Variants in KCNK2 observed in about 807,000 individuals in gnomAD.
The protein encoded by KCNK2 is potassium two pore domain channel subfamily K member 2.
In KCNK2, 21 loss-of-function variants were observed where a neutral mutation model predicts 40.5. The observed-to-expected ratio is 0.52, with a 90% CI of 0.37 to 0.75. KCNK2 has a LOEUF of 0.75. Ranked by LOEUF, KCNK2 falls within the 30% of genes least tolerant of loss-of-function variation. The probability of loss-of-function intolerance (pLI) is 0.00; values close to 1 mark genes in which losing one functional copy is unlikely to be tolerated. For synonymous variants in KCNK2, 191 were observed against 202.2 expected, an observed-to-expected ratio of 0.94 and a Z score of 0.47; for missense variants, 399 against 531.6, an observed-to-expected ratio of 0.75 and a Z score of 2.45.
At chr1:215,098,003 A>G (rs2102546992) in intron 2 of KCNK2, among the ~76,000 whole-genome samples, 1 of 152,084 alleles carries the variant, frequency 6.6e-6, no homozygotes, top group East Asian at 1.9e-4. Context: ...GGATGATACG[A>G]TCACATCTAG....
At chr1:215,070,170 GGA>G (rs1372406682) in intron 1 of KCNK2, among the ~76,000 whole-genome samples, 1 of 151,982 alleles carries the variant, frequency 6.6e-6, no homozygotes, top group African/African-American at 2.4e-5. Context: ...CAGCACTTTG[GGA>G]GGCCGAGGTG....
At chr1:215,124,434 CAT>C (rs899219928) in intron 2 of KCNK2, among the ~76,000 whole-genome samples, 197 bp from the exon 3 acceptor site, 37 of 152,098 alleles carry the variant, frequency 2.4e-4, no homozygotes, top group African/African-American at 8.9e-4. Context: ...CTTGATATCA[CAT>C]GTCAGTTTCT....
chr1:215,160,990 T>C (rs915659212), intron 3 of KCNK2, among the ~76,000 whole-genome samples: 7 of 152,158 alleles, frequency 4.6e-5, no homozygotes, highest in Non-Finnish European at 1.0e-4. Context: ...TCATTTTTCA[T>C]TGTGTCCGTC....
chr1:215,214,187 C>T (rs1416981496), intron 6 of KCNK2, among the ~76,000 whole-genome samples: 1 of 152,144 alleles, frequency 6.6e-6, no homozygotes, highest in Non-Finnish European at 1.5e-5. Flanking sequence ...TGTACAGACG[C>T]ATGGCTGGGG....
Position 215,103,247 on chromosome 1 carries a change from C to A in KCNK2, c.357+16569C>A, listed in dbSNP as rs141984725. 1.7e-3 allele frequency among the ~76,000 whole-genome samples: 252 copies of A among 151,872 alleles called. 1 individual carries two copies. Among genetic ancestry groups the A allele is most frequent in the African/African-American group, 6.0e-3 (248 of 41,428 alleles). On this transcript the variant is annotated intron_variant, in intron 2 of 6. Coordinates refer to ENST00000444842, the MANE Select transcript of KCNK2 (RefSeq NM_001017425.3). ...TATTGAATTTAATGTGTCTAAGATT[C>A]CTCAAGAACAAGATAAATTTTTATG...
At chr1:215,032,506 A>C (rs900628996) in intron 1 of KCNK2, among the ~76,000 whole-genome samples, 1 of 152,004 alleles carries the variant, frequency 6.6e-6, no homozygotes, top group African/African-American at 2.4e-5. Flanking sequence ...TGTAGATTTG[A>C]GTTTCTGATC....
At chr1:215,160,151 A>T (rs1205384194) in intron 3 of KCNK2, among the ~76,000 whole-genome samples, 1 of 152,214 alleles carries the variant, frequency 6.6e-6, no homozygotes, top group Non-Finnish European at 1.5e-5. Flanking sequence ...AAGTTAAATG[A>T]TAATACTGTA....
At chr1:215,071,410 A>ACCC (rs1465770730) in intron 1 of KCNK2, among the ~76,000 whole-genome samples, 2 of 152,050 alleles carry the variant, frequency 1.3e-5, no homozygotes, top group Non-Finnish European at 2.9e-5. Flanking sequence ...AAGCCTTAAA[A>ACCC]CCCTTCAGTT....
At chr1:215,210,509 G>T (rs1033373575) in intron 6 of KCNK2, among the ~76,000 whole-genome samples, 1 of 152,042 alleles carries the variant, frequency 6.6e-6, no homozygotes, top group African/African-American at 2.4e-5. Flanking sequence ...GCAAGTTGAG[G>T]ACTGTTATGA....
intron 3 of KCNK2, among the ~76,000 whole-genome samples, chr1:215,139,732 G>A (rs1008613405): frequency 3.9e-5 from 6 of 152,092 alleles, no homozygotes; most frequent in Admixed American, 1.3e-4. Context: ...CAAAAAAAAA[G>A]TATATGTATG....
intron 3 of KCNK2, among the ~76,000 whole-genome samples, chr1:215,154,393 CT>C (rs1662818087): frequency 6.7e-6 from 1 of 150,162 alleles, no homozygotes; most frequent in South Asian, 2.1e-4. Flanking sequence ...TAAATGTCTT[CT>C]TTTGAGAAGT....
chr1:215,208,314 T>C (rs1469249177), intron 6 of KCNK2, among the ~76,000 whole-genome samples: 1 of 152,000 alleles, frequency 6.6e-6, no homozygotes, highest in African/African-American at 2.4e-5. Flanking sequence ...GATAAGAGCT[T>C]ATGAACACGA....
chr1:215,172,976 AAT>A (rs1467756623), intron 5 of KCNK2, among the ~76,000 whole-genome samples: 1 of 151,820 alleles, frequency 6.6e-6, no homozygotes, highest in Admixed American at 6.6e-5. Context: ...TATTTTTTAA[AAT>A]ATATATATTT....
chr1:215,070,284 C>CG (rs1380582686), intron 1 of KCNK2, among the ~76,000 whole-genome samples: 1 of 151,492 alleles, frequency 6.6e-6, no homozygotes, highest in African/African-American at 2.4e-5. Context: ...GATGTGGTGG[C>CG]GGGCACCTGT....
At chr1:215,047,742 A>C (rs1242265751) in intron 1 of KCNK2, among the ~76,000 whole-genome samples, 1 of 152,164 alleles carries the variant, frequency 6.6e-6, no homozygotes, top group Non-Finnish European at 1.5e-5. Context: ...CATACACCTC[A>C]GCTCTTATCT....
chr1:215,028,727 T>G (rs1288954205), intron 1 of KCNK2, among the ~76,000 whole-genome samples: 4 of 152,194 alleles, frequency 2.6e-5, no homozygotes, highest in Non-Finnish European at 4.4e-5. Context: ...GCATTTACCA[T>G]GTGACTTATA....
chr1:215,122,740 CTTT>C (rs564207038), intron 2 of KCNK2, among the ~76,000 whole-genome samples: 3 of 120,354 alleles, frequency 2.5e-5, no homozygotes, highest in Admixed American at 9.0e-5. Flanking sequence ...CATTCATAAT[CTTT>C]TTTTTTTTTT....
intron 6 of KCNK2, among the ~76,000 whole-genome samples, chr1:215,206,735 T>C (rs1156525101): frequency 6.6e-6 from 1 of 152,090 alleles, no homozygotes; most frequent in African/African-American, 2.4e-5. Flanking sequence ...TCATAACTGC[T>C]TCTCCTGCTG....
chr1:215,143,028 C>T (rs1015286576), intron 3 of KCNK2, among the ~76,000 whole-genome samples: 1 of 152,070 alleles, frequency 6.6e-6, no homozygotes, highest in Non-Finnish European at 1.5e-5. Flanking sequence ...TGTGTTTGTA[C>T]TTCACTTCAA....
Sources: allele counts gnomAD v4.1 joint callset (sites outside exome capture counted in the v4.1 genomes callset), GRCh38; gene constraint gnomAD v4.1.1; transcripts MANE v1.5; gene names NCBI Gene and HGNC (gene_info 2026-07-23, HGNC 2026-07-21).